The following TNS3 variants were observed in gnomAD, a reference collection of about 807,000 sequenced individuals.
TNS3 encodes the protein tensin 3, also known as tensin-3.
A neutral mutation model predicts 140.9 loss-of-function variants in TNS3; 45 were observed. The ratio of observed to expected loss-of-function variants is 0.32; its 90% CI spans 0.25 to 0.41. The LOEUF (loss-of-function observed/expected upper bound fraction) is 0.41. Ranked by LOEUF, TNS3 falls within the 10% of genes least tolerant of loss-of-function variation. The pLI is 1.00. For missense variants in TNS3, 1,716 were observed against 1,906.7 expected (o/e 0.90, Z 1.86); for synonymous variants, 815 against 788.4 (o/e 1.03, Z -0.56).
At chr7:47,329,330 TC>T (rs1788203579) in intron 20 of TNS3, among the ~76,000 whole-genome samples, 1 of 152,146 alleles carries the variant, frequency 6.6e-6, no homozygotes, top group Admixed American at 6.5e-5. Context: ...GAAGAGCAGG[TC>T]CCCGTTCCTC....
chr7:47,581,089 C>T (rs566060601), intron 1 of TNS3, among the ~76,000 whole-genome samples: 2 of 152,216 alleles, frequency 1.3e-5, no homozygotes, highest in East Asian at 3.9e-4. Flanking sequence ...TTCGGGTCAT[C>T]TGCTGACACT....
intron 16 of TNS3, among the ~76,000 whole-genome samples, chr7:47,396,251 C>T (rs891219881): frequency 6.6e-6 from 1 of 152,182 alleles, no homozygotes; most frequent in African/African-American, 2.4e-5. Flanking sequence ...TCCTCCTTCA[C>T]GCTCCTAGCT....
intron 20 of TNS3, among the ~76,000 whole-genome samples, chr7:47,306,795 C>T (rs1388259884): frequency 6.6e-6 from 1 of 152,134 alleles, no homozygotes; most frequent in Non-Finnish European, 1.5e-5. Context: ...GCAAGCATGG[C>T]TACGATCTCC....
At chr7:47,474,752 A>T (rs1030698885) in intron 4 of TNS3, among the ~76,000 whole-genome samples, 1 of 150,428 alleles carries the variant, frequency 6.6e-6, no homozygotes, top group African/African-American at 2.5e-5. Flanking sequence ...AGCACAACAC[A>T]CAACACACAA....
intron 2 of TNS3, among the ~76,000 whole-genome samples, chr7:47,527,118 T>C (rs533237675): frequency 7.9e-5 from 12 of 151,486 alleles, no homozygotes; most frequent in African/African-American, 2.7e-4. Flanking sequence ...GCGCCTGTAG[T>C]CCCAGCTGCT....
intron 4 of TNS3, among the ~76,000 whole-genome samples, 170 bp from the exon 5 acceptor site, chr7:47,442,225 T>C (rs557016793): frequency 9.2e-5 from 14 of 152,290 alleles, no homozygotes; most frequent in Admixed American, 2.0e-4. Flanking sequence ...CTACACCATG[T>C]TGTGTGATTC....
chr7:47,318,273 T>C (rs899908542), intron 20 of TNS3, among the ~76,000 whole-genome samples: 1 of 152,216 alleles, frequency 6.6e-6, no homozygotes, highest in African/African-American at 2.4e-5. Context: ...CCTTCCTTTT[T>C]AAGGCTGAGT....
chr7:47,555,004 G>A (rs1020317209), intron 1 of TNS3, among the ~76,000 whole-genome samples: 2 of 149,864 alleles, frequency 1.3e-5, no homozygotes, highest in African/African-American at 2.5e-5. Context: ...CTCCAGCCTG[G>A]CAACAGAGCG....
At chr7:47,471,621 T>A (rs1796957123) in intron 4 of TNS3, among the ~76,000 whole-genome samples, 1 of 152,218 alleles carries the variant, frequency 6.6e-6, no homozygotes, top group African/African-American at 2.4e-5. Context: ...GCTCCTCTTT[T>A]AAACACGTTC....
chr7:47,400,484 C>T (rs1793089734), intron 14 of TNS3, 26 bp from the exon 15 acceptor site: 1 of 1,610,524 alleles, frequency 6.2e-7, no homozygotes, highest in African/African-American at 1.3e-5. Flanking sequence ...TATTTTAACA[C>T]ATTTGTGGAG....
At position 47,424,098 on chromosome 7, in the gene TNS3, T is replaced by C; in HGVS notation, c.473+3A>G. 6.2e-7 allele frequency: 1 copy of C among 1,614,150 alleles called. No homozygotes were observed. Among genetic ancestry groups the C allele is most frequent in the Non-Finnish European group, 8.5e-7 (1 of 1,179,982 alleles). Reference sequence around the variant, plus strand: ...CACTCTGGCTTTGGGGATCTATACATACCGTTTTTGGGAAGGCTGCATTAA... The same window carrying C: ...CACTCTGGCTTTGGGGATCTATACACACCGTTTTTGGGAAGGCTGCATTAA... On this transcript the variant is annotated splice_donor_region_variant and intron_variant, in intron 10 of 30. Coordinates refer to ENST00000311160, the MANE Select transcript of TNS3 (RefSeq NM_022748.12).
chr7:47,346,095 C>A, intron 18 of TNS3, 92 bp downstream of exon 18: 1 of 1,515,030 alleles, frequency 6.6e-7, no homozygotes, highest in Non-Finnish European at 9.0e-7. Context: ...TATTCAGGGA[C>A]AAGGCCTGGT....
At chr7:47,462,777 C>T (rs1475161348) in intron 4 of TNS3, among the ~76,000 whole-genome samples, 1 of 152,170 alleles carries the variant, frequency 6.6e-6, no homozygotes, top group Non-Finnish European at 1.5e-5. Context: ...TAGAACTCCA[C>T]AGCCAAGACT....
intron 10 of TNS3, among the ~76,000 whole-genome samples, chr7:47,423,171 A>C (rs1199285738): frequency 1.3e-5 from 2 of 152,242 alleles, no homozygotes; most frequent in African/African-American, 4.8e-5. Flanking sequence ...AAGGCATCAA[A>C]ACTTGCATAC....
chr7:47,529,846 G>A (rs960698856), intron 1 of TNS3, among the ~76,000 whole-genome samples: 3 of 152,168 alleles, frequency 2.0e-5, no homozygotes, highest in Admixed American at 1.3e-4. Context: ...ATGTCTATTT[G>A]CTGATATGTG....
chr7:47,458,572 G>T (rs140398338), intron 4 of TNS3, among the ~76,000 whole-genome samples: 16 of 152,242 alleles, frequency 1.1e-4, no homozygotes, highest in Non-Finnish European at 5.9e-5. Context: ...ATCAGTCTGC[G>T]CTGGGATGAG....
At chr7:47,526,948 T>C (rs578172077) in intron 2 of TNS3, among the ~76,000 whole-genome samples, 52 of 152,256 alleles carry the variant, frequency 3.4e-4, no homozygotes, top group African/African-American at 1.2e-3. Flanking sequence ...TATGAGCATT[T>C]CTGGCCGGGC....
At chr7:47,423,245 A>T (rs1421128313) in intron 10 of TNS3, among the ~76,000 whole-genome samples, 1 of 152,222 alleles carries the variant, frequency 6.6e-6, no homozygotes, top group Non-Finnish European at 1.5e-5. Context: ...CACCTTGGCA[A>T]TTCTCCTACA....
At chr7:47,400,998 G>C in intron 13 of TNS3, 84 bp from the exon 14 acceptor site, 1 of 1,560,728 alleles carries the variant, frequency 6.4e-7, no homozygotes, top group Non-Finnish European at 8.7e-7. Flanking sequence ...GCGGAGGCCG[G>C]CACAGCAGGG....
Sources: gnomAD v4.1 joint callset for allele counts (sites outside exome capture counted in the v4.1 genomes callset) on GRCh38, gnomAD v4.1.1 for gene constraint, MANE v1.5 for transcripts, NCBI Gene and HGNC (gene_info 2026-07-23, HGNC 2026-07-21) for gene names.